GALNT10: variants seen among roughly 807,000 people sequenced by gnomAD.
The protein encoded by GALNT10 is polypeptide N-acetylgalactosaminyltransferase 10.
GALNT10 carries 41 observed loss-of-function variants against 75.0 expected under a neutral mutation model. The observed-to-expected ratio is 0.55, with a 90% CI of 0.43 to 0.71. The LOEUF is 0.71. Ranked by LOEUF, GALNT10 falls within the 30% of genes least tolerant of loss-of-function variation. The pLI is 0.00. For synonymous variants in GALNT10, 302 were observed against 313.0 expected (o/e 0.96, Z 0.37); for missense variants, 727 against 818.5 (o/e 0.89, Z 1.36).
chr5:154,330,903 GAGA>G (rs1754847801), intron 4 of GALNT10, among the ~76,000 whole-genome samples: 1 of 143,734 alleles, frequency 7.0e-6, no homozygotes. Flanking sequence ...CAGAGAGACA[GAGA>G]GGGTGTGTGT....
intron 4 of GALNT10, among the ~76,000 whole-genome samples, chr5:154,355,628 A>AT (rs1369632855): frequency 1.3e-5 from 2 of 151,616 alleles, no homozygotes; most frequent in African/African-American, 4.9e-5. Context: ...GAAAGAAGTG[A>AT]TTTTTTTGGT....
intron 3 of GALNT10, among the ~76,000 whole-genome samples, chr5:154,320,003 G>C (rs1046769474): frequency 6.6e-6 from 1 of 152,220 alleles, no homozygotes; most frequent in African/African-American, 2.4e-5. Context: ...CAGGTCTATA[G>C]AGCCAGGTAC....
chr5:154,252,076 A>AT (rs1491571378), intron 1 of GALNT10, among the ~76,000 whole-genome samples: 1 of 152,116 alleles, frequency 6.6e-6, no homozygotes, highest in Non-Finnish European at 1.5e-5. Context: ...TGTCTTACCC[A>AT]TGTTATACAC....
intron 4 of GALNT10, among the ~76,000 whole-genome samples, chr5:154,361,286 C>A (rs184632759): frequency 6.6e-6 from 1 of 150,654 alleles, no homozygotes; most frequent in Admixed American, 6.6e-5. Flanking sequence ...CTGGAGTCAA[C>A]CCGGCCTGGA....
chr5:154,318,984 A>C (rs1329126736), intron 3 of GALNT10, among the ~76,000 whole-genome samples: 1 of 152,254 alleles, frequency 6.6e-6, no homozygotes, highest in African/African-American at 2.4e-5. Flanking sequence ...AACTCCACAG[A>C]AGTCTCTTCT....
chr5:154,307,512 CGGG>C (rs1754451634), intron 3 of GALNT10, among the ~76,000 whole-genome samples: 1 of 151,356 alleles, frequency 6.6e-6, no homozygotes, highest in Admixed American at 6.6e-5. Context: ...CCCAGCTACT[CGGG>C]AGGCTGAGGC....
intron 7 of GALNT10, among the ~76,000 whole-genome samples, chr5:154,393,921 C>T (rs1312107505): frequency 6.6e-6 from 1 of 152,180 alleles, no homozygotes; most frequent in African/African-American, 2.4e-5. Flanking sequence ...CATTCCAGCA[C>T]ATTGTTGGGG....
intron 4 of GALNT10, among the ~76,000 whole-genome samples, chr5:154,365,040 G>A (rs563825705): frequency 3.3e-5 from 5 of 152,306 alleles, no homozygotes; most frequent in Admixed American, 2.0e-4. Context: ...TGCTGAAAAG[G>A]GACCAAGGCA....
chr5:154,403,156 A>C (rs548515715), intron 7 of GALNT10, among the ~76,000 whole-genome samples: 8 of 152,120 alleles, frequency 5.3e-5, no homozygotes, highest in Non-Finnish European at 7.4e-5. Flanking sequence ...TCAAAGTCAT[A>C]AAGTGGGTAA....
At chr5:154,353,712 G>A (rs1215534190) in intron 4 of GALNT10, among the ~76,000 whole-genome samples, 1 of 152,246 alleles carries the variant, frequency 6.6e-6, no homozygotes, top group African/African-American at 2.4e-5. Context: ...GCAACAGGCA[G>A]TGGAAGTTCG....
intron 1 of GALNT10, among the ~76,000 whole-genome samples, chr5:154,272,664 A>G (rs1209985855): frequency 1.3e-5 from 2 of 152,148 alleles, no homozygotes; most frequent in African/African-American, 4.8e-5. Context: ...TACCACTTCC[A>G]TGTCAGTTTC....
At position 154,320,532 on chromosome 5, in the gene GALNT10, G is replaced by A. The variant is rs1360079053; in HGVS notation, c.402-9040G>A. On this transcript the variant is annotated intron_variant, in intron 3 of 11. Transcript: ENST00000297107. ...AGCCTCCTGTGAAATTAGATGTTAA[G>A]GCAGGAACTTTTGTAGAAAACCAGA... Among the ~76,000 whole-genome samples, 3 of 152,100 alleles carry A rather than the reference G, an allele frequency of 2.0e-5. 1 individual carries two copies. The highest frequency in any genetic ancestry group is 3.8e-4 in the East Asian group (2 of 5,198).
rs988556450 is a variant in GALNT10 at position 154,223,898 on chromosome 5, T to C, written c.159+32873T>C. ...TCGCGTCACTGCACTCCAGCCTGGG[T>C]GACAGAGCAAGACCCTGTCTCAAAA... On this transcript the variant is annotated intron_variant, in intron 1 of 11. Coordinates refer to ENST00000297107, the MANE Select transcript of GALNT10 (RefSeq NM_198321.4). Among the ~76,000 whole-genome samples, 7 of 150,126 alleles carry C rather than the reference T, an allele frequency of 4.7e-5. No individual in the cohort carries two copies. The Admixed American group carries it at 4.7e-4, about 10-fold the overall frequency.
At position 154,417,193 on chromosome 5, in the gene GALNT10, G is replaced by A; in HGVS notation, c.*221G>A. ...AGCATATCCCACAAGAGGCCCCACA[G>A]GGAGCAGAGACTGCTTTAATCCCTG... On this transcript the variant is annotated 3_prime_UTR_variant, in exon 12 of 12. Coordinates refer to ENST00000297107, the MANE Select transcript of GALNT10 (RefSeq NM_198321.4). 3.6e-6 allele frequency: 2 copies of A among 557,664 alleles called. No individual in the cohort carries two copies. Among genetic ancestry groups the A allele is most frequent in the Non-Finnish European group, 6.4e-6 (2 of 311,428 alleles). 34.5% of individuals were successfully genotyped at this position (557,664 alleles called of 1,614,324 possible). A position where few individuals can be genotyped will look rare whatever the true frequency, so the allele number is the denominator to read the frequency against.
At chr5:154,226,967 C>G (rs1317803306) in intron 1 of GALNT10, among the ~76,000 whole-genome samples, 1 of 151,656 alleles carries the variant, frequency 6.6e-6, no homozygotes, top group Non-Finnish European at 1.5e-5. Flanking sequence ...AAAAAACTTC[C>G]TTTTTTCAGT....
chr5:154,328,750 C>T (rs1754797580), intron 3 of GALNT10, among the ~76,000 whole-genome samples: 1 of 152,132 alleles, frequency 6.6e-6, no homozygotes, highest in Non-Finnish European at 1.5e-5. Flanking sequence ...GGTTCCCCTC[C>T]TTAGATTTGA....
intron 1 of GALNT10, among the ~76,000 whole-genome samples, chr5:154,272,818 A>G (rs1753886792): frequency 6.6e-6 from 1 of 152,214 alleles, no homozygotes; most frequent in African/African-American, 2.4e-5. Flanking sequence ...TATGGGAGAA[A>G]GAGGCTCGGA....
intron 7 of GALNT10, among the ~76,000 whole-genome samples, chr5:154,395,059 C>G (rs529377783): frequency 6.6e-6 from 1 of 152,366 alleles, no homozygotes; most frequent in East Asian, 1.9e-4. Flanking sequence ...GGCTCAAAGG[C>G]CCGAGGGTCG....
intron 3 of GALNT10, among the ~76,000 whole-genome samples, chr5:154,322,611 G>A (rs956383005): frequency 6.6e-6 from 1 of 152,174 alleles, no homozygotes; most frequent in African/African-American, 2.4e-5. Context: ...ACCATGCCTG[G>A]TTTCTGGCTG....
Sources: gnomAD v4.1 joint callset for allele counts (sites outside exome capture counted in the v4.1 genomes callset) on GRCh38, gnomAD v4.1.1 for gene constraint, MANE v1.5 for transcripts, NCBI Gene and HGNC (gene_info 2026-07-23, HGNC 2026-07-21) for gene names.